Variants in RBFOX1 observed in about 807,000 individuals in gnomAD.
RBFOX1 encodes RNA binding fox-1 homolog 1.
In RBFOX1, 8 loss-of-function variants were observed where a neutral mutation model predicts 57.7. That is an observed-to-expected ratio of 0.14 (90% CI 0.08 to 0.25). The LOEUF is 0.25. Among genes scored for constraint, RBFOX1 ranks in the 10% least tolerant of loss-of-function variants. The pLI is 1.00. For missense variants in RBFOX1, 611 were observed against 548.5 expected, an observed-to-expected ratio of 1.11 and a Z score of -1.14; for synonymous variants, 326 against 222.4, an observed-to-expected ratio of 1.47 and a Z score of -4.15.
intron 3 of RBFOX1, among the ~76,000 whole-genome samples, chr16:6,659,155 T>C (rs2098684566): frequency 6.6e-6 from 1 of 152,006 alleles, no homozygotes; most frequent in Non-Finnish European, 1.5e-5. Flanking sequence ...TTCAATACTA[T>C]TATAAAGACT....
At chr16:6,152,881 G>C (rs112727661) in intron 1 of RBFOX1, among the ~76,000 whole-genome samples, 2 of 152,226 alleles carry the variant, frequency 1.3e-5, no homozygotes, top group African/African-American at 4.8e-5. Context: ...GAAGTCTCAG[G>C]AGCTGATCAG....
At chr16:6,199,708 T>C (rs1598308826) in intron 1 of RBFOX1, among the ~76,000 whole-genome samples, 1 of 152,088 alleles carries the variant, frequency 6.6e-6, no homozygotes, top group Non-Finnish European at 1.5e-5. Flanking sequence ...GATGAGGGGG[T>C]AGCAGATGAG....
chr16:6,225,592 T>C (rs538991939), intron 1 of RBFOX1, among the ~76,000 whole-genome samples: 1 of 152,194 alleles, frequency 6.6e-6, no homozygotes, highest in African/African-American at 2.4e-5. Flanking sequence ...AAATTTACTT[T>C]AACTTCTGCC....
chr16:6,139,745 T>A (rs1300652962), intron 1 of RBFOX1, among the ~76,000 whole-genome samples: 1 of 152,122 alleles, frequency 6.6e-6, no homozygotes, highest in Non-Finnish European at 1.5e-5. Context: ...TCTTGGTCGT[T>A]TTTTTCTTGA....
intron 3 of RBFOX1, among the ~76,000 whole-genome samples, chr16:5,845,477 C>G (rs1021877838): frequency 6.6e-6 from 1 of 152,160 alleles, no homozygotes; most frequent in Non-Finnish European, 1.5e-5. Context: ...TCATCCAACC[C>G]AGCTGTTTGC....
intron 3 of RBFOX1, among the ~76,000 whole-genome samples, chr16:6,832,882 G>C (rs929554504): frequency 1.3e-4 from 20 of 152,170 alleles, no homozygotes; most frequent in Non-Finnish European, 2.6e-4. Flanking sequence ...CCTTGGTTCT[G>C]GATTGACAGG....
At chr16:7,180,368 A>C (rs924740772) in intron 4 of RBFOX1, among the ~76,000 whole-genome samples, 5 of 152,250 alleles carry the variant, frequency 3.3e-5, no homozygotes, top group African/African-American at 1.2e-4. Context: ...ACACACAAGA[A>C]AGGGACAGCA....
intron 2 of RBFOX1, among the ~76,000 whole-genome samples, chr16:6,359,225 T>TGGGATGAC (rs1352600501): frequency 3.9e-5 from 6 of 152,142 alleles, no homozygotes; most frequent in African/African-American, 1.2e-4. Context: ...CCTGAGTAGC[T>TGGGATGAC]GGGATGACGG....
chr16:6,084,186 G>C (rs2096053340), intron 1 of RBFOX1, among the ~76,000 whole-genome samples: 1 of 152,038 alleles, frequency 6.6e-6, no homozygotes, highest in African/African-American at 2.4e-5. Context: ...AAGTGTTTTT[G>C]CACAGTGCCC....
intron 3 of RBFOX1, among the ~76,000 whole-genome samples, chr16:6,758,036 A>C (rs886229962): frequency 6.6e-6 from 1 of 152,200 alleles, no homozygotes; most frequent in Non-Finnish European, 1.5e-5. Flanking sequence ...ACTTTTAAGA[A>C]GTCAGTCCAA....
intron 4 of RBFOX1, among the ~76,000 whole-genome samples, chr16:5,968,222 G>A (rs907472647): frequency 6.6e-6 from 1 of 152,070 alleles, no homozygotes; most frequent in African/African-American, 2.4e-5. Flanking sequence ...TTATGGGCAT[G>A]TACCACCATG....
At chr16:6,147,226 C>A (rs938737490) in intron 1 of RBFOX1, among the ~76,000 whole-genome samples, 1 of 152,326 alleles carries the variant, frequency 6.6e-6, no homozygotes, top group South Asian at 2.1e-4. Context: ...TGGCTGCATG[C>A]TCTCTTAGCG....
At chr16:5,602,599 C>G (rs986059452), downstream of RBFOX1, among the ~76,000 whole-genome samples, 1 of 152,182 alleles carries the variant, frequency 6.6e-6, no homozygotes, top group African/African-American at 2.4e-5. Context: ...ATAGATCTCC[C>G]TTTCTCTGAG....
chr16:5,886,220 G>A (rs578053860), intron 4 of RBFOX1, among the ~76,000 whole-genome samples: 2 of 152,164 alleles, frequency 1.3e-5, no homozygotes, highest in Non-Finnish European at 2.9e-5. Context: ...TTGTAGCAGA[G>A]CAAAAATTGA....
intron 3 of RBFOX1, among the ~76,000 whole-genome samples, chr16:7,023,888 T>A (rs2040097078): frequency 6.6e-6 from 1 of 152,094 alleles, no homozygotes; most frequent in East Asian, 1.9e-4. Context: ...TCAAAGTATA[T>A]CGAGTTTGGA....
intron 1 of RBFOX1, among the ~76,000 whole-genome samples, chr16:5,410,083 G>C (rs867758279): frequency 3.3e-5 from 5 of 150,768 alleles, no homozygotes; most frequent in African/African-American, 9.8e-5. Flanking sequence ...TCAACATGCA[G>C]CTGGGAAAGG....
intron 2 of RBFOX1, among the ~76,000 whole-genome samples, chr16:6,454,702 T>G (rs1358369019): frequency 1.3e-5 from 2 of 152,016 alleles, no homozygotes; most frequent in Non-Finnish European, 2.9e-5. Context: ...GTTGATAGAG[T>G]GACCTTAGGA....
At chr16:6,856,494 G>C (rs2057927110) in intron 3 of RBFOX1, among the ~76,000 whole-genome samples, 2 of 152,186 alleles carry the variant, frequency 1.3e-5, no homozygotes, top group African/African-American at 4.8e-5. Flanking sequence ...GGTTATCATT[G>C]CCCTCTAGAA....
intron 3 of RBFOX1, among the ~76,000 whole-genome samples, chr16:6,882,789 G>T (rs2063219893): frequency 6.6e-6 from 1 of 151,928 alleles, no homozygotes; most frequent in Non-Finnish European, 1.5e-5. Context: ...GATGCAAGTG[G>T]CATTCCTGGG....
Sources: gnomAD v4.1 joint callset for allele counts (sites outside exome capture counted in the v4.1 genomes callset) on GRCh38, gnomAD v4.1.1 for gene constraint, MANE v1.5 for transcripts, NCBI Gene and HGNC (gene_info 2026-07-23, HGNC 2026-07-21) for gene names.